The following PARN variants were observed in gnomAD, a reference collection of about 807,000 sequenced individuals.
PARN encodes poly(A)-specific ribonuclease, also known as poly(A)-specific ribonuclease PARN.
Under a neutral mutation model 102.8 loss-of-function variants are expected in PARN, and 71 were observed. That is an observed-to-expected ratio of 0.69 (90% confidence interval 0.57 to 0.84). The LOEUF is 0.84. Among genes scored for constraint, PARN ranks in the 40% least tolerant of loss-of-function variants. The pLI is 0.00. For synonymous variants in PARN, 261 were observed against 252.9 expected (o/e 1.03, Z -0.30); for missense variants, 782 against 760.9 (o/e 1.03, Z -0.33).
intron 22 of PARN, among the ~76,000 whole-genome samples, chr16:14,469,286 C>A (rs184521773): frequency 3.9e-5 from 6 of 152,092 alleles, no homozygotes; most frequent in Non-Finnish European, 8.8e-5. Context: ...GAGCCAAGAT[C>A]GCACCACTGC....
intron 13 of PARN, among the ~76,000 whole-genome samples, chr16:14,588,946 A>C (rs1486722661): frequency 6.6e-6 from 1 of 151,818 alleles, no homozygotes. Context: ...TTGGGAGGCC[A>C]AAGCAGGTGG....
intron 22 of PARN, among the ~76,000 whole-genome samples, chr16:14,463,712 T>G (rs956797420): frequency 5.3e-5 from 8 of 151,918 alleles, no homozygotes; most frequent in Non-Finnish European, 8.8e-5. Context: ...ATCTGTGACC[T>G]AGAGGACAAC....
At chr16:14,576,434 G>A (rs886314532) in intron 18 of PARN, among the ~76,000 whole-genome samples, 5 of 152,220 alleles carry the variant, frequency 3.3e-5, no homozygotes, top group East Asian at 3.9e-4. Context: ...CAACCTTCCC[G>A]AAAACCTTCA....
intron 18 of PARN, among the ~76,000 whole-genome samples, chr16:14,566,581 C>T (rs2151727756): frequency 6.6e-6 from 1 of 152,320 alleles, no homozygotes. Context: ...CTTGTCACAG[C>T]AGCCACAGAA....
At chr16:14,540,860 A>G (rs1458780328) in intron 21 of PARN, among the ~76,000 whole-genome samples, 1 of 152,158 alleles carries the variant, frequency 6.6e-6, no homozygotes, top group Non-Finnish European at 1.5e-5. Flanking sequence ...CTGAGGCAGG[A>G]GGACTGCTTG....
chr16:14,595,863 C>G (rs1302428277), intron 12 of PARN, among the ~76,000 whole-genome samples: 1 of 152,034 alleles, frequency 6.6e-6, no homozygotes, highest in Non-Finnish European at 1.5e-5. Flanking sequence ...AGGGGGTCTC[C>G]CATGTTGCCC....
At chr16:14,596,940 C>G (rs991555943) in intron 12 of PARN, among the ~76,000 whole-genome samples, 24 of 152,134 alleles carry the variant, frequency 1.6e-4, no homozygotes, top group African/African-American at 5.3e-4. Flanking sequence ...GTGTGTGCCA[C>G]CACGCTCAGC....
At chr16:14,585,373 T>G (rs978854256) in intron 14 of PARN, among the ~76,000 whole-genome samples, 12 of 151,348 alleles carry the variant, frequency 7.9e-5, no homozygotes, top group South Asian at 6.3e-4. Context: ...TGTTTTTTTT[T>G]TTTTTTTTTT....
intron 18 of PARN, among the ~76,000 whole-genome samples, chr16:14,556,912 C>G (rs555004015): frequency 3.9e-5 from 6 of 152,068 alleles, no homozygotes; most frequent in African/African-American, 1.4e-4. Context: ...ACTAAAAGCA[C>G]CAAACAAAAC....
chr16:14,578,771 A>G (rs916053025), intron 18 of PARN: 2 of 152,258 alleles, frequency 1.3e-5, no homozygotes, highest in Non-Finnish European at 2.9e-5. Flanking sequence ...GGAAAAAAAT[A>G]GACCAAAAAA....
At chr16:14,584,129 T>A (rs1281223852) in intron 16 of PARN, among the ~76,000 whole-genome samples, 1 of 152,220 alleles carries the variant, frequency 6.6e-6, no homozygotes, top group Non-Finnish European at 1.5e-5. Context: ...AAATTCTCAA[T>A]GAATGGCTAC....
At chr16:14,468,066 C>T (rs575669270) in intron 22 of PARN, among the ~76,000 whole-genome samples, 1 of 152,154 alleles carries the variant, frequency 6.6e-6, no homozygotes, top group African/African-American at 2.4e-5. Flanking sequence ...TTCCCAAGGA[C>T]TCTGGGTGGC....
intron 21 of PARN, among the ~76,000 whole-genome samples, chr16:14,533,567 C>G (rs551130862): frequency 6.6e-6 from 1 of 152,312 alleles, no homozygotes; most frequent in East Asian, 1.9e-4. Context: ...TGCCCCACAG[C>G]TGCTCCACTC....
At chr16:14,456,631 T>C (rs1961691144) in intron 22 of PARN, among the ~76,000 whole-genome samples, 1 of 152,176 alleles carries the variant, frequency 6.6e-6, no homozygotes, top group African/African-American at 2.4e-5. Context: ...TGGACACATG[T>C]ACACTCCCAT....
chr16:14,471,970 A>G (rs1962774330), intron 22 of PARN, among the ~76,000 whole-genome samples: 2 of 152,270 alleles, frequency 1.3e-5, no homozygotes, highest in South Asian at 4.1e-4. Context: ...TGCTTATCCA[A>G]ATTGTCCACA....
intron 21 of PARN, among the ~76,000 whole-genome samples, chr16:14,506,000 T>C (rs1226391378): frequency 6.6e-6 from 1 of 152,132 alleles, no homozygotes; most frequent in Non-Finnish European, 1.5e-5. Context: ...AATGGAAAAA[T>C]CTGTGACCAC....
intron 18 of PARN, among the ~76,000 whole-genome samples, chr16:14,559,725 C>T (rs569446515): frequency 1.5e-4 from 23 of 152,220 alleles, no homozygotes; most frequent in African/African-American, 5.3e-4. Flanking sequence ...CTCCACATTA[C>T]CTTACACAGA....
intron 22 of PARN, among the ~76,000 whole-genome samples, chr16:14,454,896 T>G (rs1015742292): frequency 6.6e-6 from 1 of 152,206 alleles, no homozygotes; most frequent in Admixed American, 6.5e-5. Context: ...GTCAGTTCTA[T>G]AAAGTAAGAT....
chr16:14,563,319 A>C (rs1392801959), intron 18 of PARN, among the ~76,000 whole-genome samples: 2 of 152,218 alleles, frequency 1.3e-5, no homozygotes, highest in African/African-American at 2.4e-5. Flanking sequence ...GGTCACGCCT[A>C]GTGTTGGAGC....
Sources: allele counts gnomAD v4.1 joint callset (sites outside exome capture counted in the v4.1 genomes callset), GRCh38; gene constraint gnomAD v4.1.1; transcripts MANE v1.5; gene names NCBI Gene and HGNC (gene_info 2026-07-23, HGNC 2026-07-21).